DYNC1H1: variants seen among roughly 807,000 people sequenced by gnomAD.
The protein encoded by DYNC1H1 is cytoplasmic dynein 1 heavy chain 1.
Under a neutral mutation model 527.1 loss-of-function variants are expected in DYNC1H1, and 51 were observed. The observed-to-expected ratio is 0.10, with a 90% CI of 0.08 to 0.12. The LOEUF (loss-of-function observed/expected upper bound fraction) is 0.12. Ranked by LOEUF, DYNC1H1 falls within the 10% of genes least tolerant of loss-of-function variation. The pLI, the probability that DYNC1H1 is intolerant of heterozygous loss-of-function variation, is 1.00. For missense variants in DYNC1H1, 2,771 were observed against 5,971.8 expected (o/e 0.46, Z 17.66); for synonymous variants, 2,189 against 2,278.8 (o/e 0.96, Z 1.12).
chr14:102,047,637 GTGTGTATA>G (rs768653793), intron 72 of DYNC1H1, 172 bp from the exon 73 acceptor site: 15 of 394,202 alleles, frequency 3.8e-5, no homozygotes, highest in African/African-American at 2.7e-4. Context: ...GTGTGTGTGT[GTGTGTATA>G]TATATATATA....
rs754052535 is a variant in DYNC1H1, at chr14:101,979,496, A to C, written c.518+4A>C. 1 of 1,614,128 alleles carries C rather than the reference A, an allele frequency of 6.2e-7. No individual in the cohort carries two copies. Among genetic ancestry groups the C allele is most frequent in the Non-Finnish European group, 8.5e-7 (1 of 1,180,018 alleles). ...GAGAGTCTGGCAAGGCAGACAGGTAAAAACTGTGGTTTGAATGTTATATTT... is the reference window on the plus strand; with the variant it reads ...GAGAGTCTGGCAAGGCAGACAGGTACAAACTGTGGTTTGAATGTTATATTT... On this transcript the variant is annotated splice_donor_region_variant and intron_variant, in intron 3 of 77. Coordinates refer to ENST00000360184, the MANE Select transcript of DYNC1H1 (RefSeq NM_001376.5). This position sits in a 1 kb window ranked among gnomAD's most constrained non-coding sequence, Gnocchi z 4.6.
In DYNC1H1 at chr14:102,047,641, G is replaced by GTGTGTGTGTGTATATATATATATATA; in HGVS notation, c.13007-175_13007-174insGTGTGTGTGTATATATATATATATAT. The stretch of plus-strand genomic sequence containing the variant: ...TACACGTGTGTGTGTGTGTGTGTGT[G>GTGTGTGTGTGTATATATATATATATA]TATATATATATATATATATATATGT... On this transcript the variant is annotated intron_variant, in intron 72 of 77. Coordinates refer to ENST00000360184, the MANE Select transcript of DYNC1H1 (RefSeq NM_001376.5). 729 of 316,404 alleles carry GTGTGTGTGTGTATATATATATATATA rather than the reference G, an allele frequency of 2.3e-3. 5 individuals carry two copies. The highest frequency in any genetic ancestry group is 3.9e-3 in the Middle Eastern group (4 of 1,022). The allele number at this position is 316,404 out of a possible 1,614,324, so 19.6% of individuals were successfully genotyped here. A position where few individuals can be genotyped will look rare whatever the true frequency, so the allele number is the denominator to read the frequency against.
rs191911202 is a variant in DYNC1H1 at position 102,054,471 on chromosome 14, G to C, written c.*3908G>C. On this transcript the variant is annotated 3_prime_UTR_variant, in exon 78 of 78. Coordinates refer to ENST00000360184, the MANE Select transcript of DYNC1H1 (RefSeq NM_001376.5). ...TGCCTGTTCTCAAAGCAATGCACCT[G>C]AGAAGCAGTGGCAGGTGGCACAGCC... The C allele has an allele frequency of 1.7e-4, 26 of 152,198 alleles. No individual in the cohort carries two copies. The highest frequency in any genetic ancestry group is 1.4e-3 in the Admixed American group (22 of 15,270). The allele number at this position is 152,198 out of a possible 1,614,324, so 9.4% of individuals were successfully genotyped here. A position where few individuals can be genotyped will look rare whatever the true frequency, so the allele number is the denominator to read the frequency against.
intron 28 of DYNC1H1, among the ~76,000 whole-genome samples, chr14:102,007,746 G>A (rs984030187): frequency 6.6e-6 from 1 of 152,176 alleles, no homozygotes; most frequent in Admixed American, 6.5e-5. Flanking sequence ...GAGGCAGGTG[G>A]TATGGTAGTC....
chr14:102,032,222 C>A, intron 51 of DYNC1H1, 50 bp from the exon 52 acceptor site: 1 of 1,609,812 alleles, frequency 6.2e-7, no homozygotes, highest in Non-Finnish European at 8.5e-7. Context: ...CCATGCTTTG[C>A]TCTATCTTCT....
chr14:102,009,312 C>T (rs1294699841), intron 29 of DYNC1H1: 3 of 161,650 alleles, frequency 1.9e-5, no homozygotes, highest in African/African-American at 7.2e-5. Flanking sequence ...TTCCCCAGAC[C>T]TCCTAAATAA....
Position 101,985,236 on chromosome 14 carries a change from T to G in DYNC1H1, c.1462-451T>G, listed in dbSNP as rs915796707. On this transcript the variant is annotated intron_variant, in intron 7 of 77. Coordinates refer to ENST00000360184, the MANE Select transcript of DYNC1H1 (RefSeq NM_001376.5). This position sits in a 1 kb window ranked among gnomAD's most constrained non-coding sequence, Gnocchi z 5.9. ...AGAGTCCTTCTCTGTAAAACATGGA[T>G]AGTAATTACATATGCCTGAGATTTA... 3.9e-5 allele frequency among the ~76,000 whole-genome samples: 6 copies of G among 152,208 alleles called. No homozygotes were observed. The highest frequency in any genetic ancestry group is 1.4e-4 in the African/African-American group (6 of 41,456).
chr14:101,995,565 T>C (rs2048050589), intron 15 of DYNC1H1, among the ~76,000 whole-genome samples: 1 of 150,582 alleles, frequency 6.6e-6, no homozygotes, highest in Non-Finnish European at 1.5e-5. Context: ...GAGCCGAAAT[T>C]GTGCCACTGC....
At chr14:102,034,738 A>C (rs2048552040) in intron 56 of DYNC1H1, 1 of 509,514 alleles carries the variant, frequency 2.0e-6, no homozygotes, top group African/African-American at 1.9e-5. Flanking sequence ...AGCCTGGCCA[A>C]CATGGTGAAA....
intron 11 of DYNC1H1, 96 bp downstream of exon 11, chr14:101,991,769 T>C (rs1567001564): frequency 5.8e-6 from 9 of 1,546,434 alleles, no homozygotes; most frequent in Non-Finnish European, 6.2e-6. Flanking sequence ...GATAAGCTCT[T>C]GATGTTGTTT....
In DYNC1H1 at chr14:102,005,096, G is replaced by A. The variant is rs144147463; in HGVS notation, c.5293G>A (p.Ala1765Thr). 23 of 1,614,070 alleles carry A rather than the reference G, an allele frequency of 1.4e-5. No individual in the cohort carries two copies. The highest frequency in any genetic ancestry group is 1.9e-5 in the Non-Finnish European group (23 of 1,180,042). Residue 1765 changes from alanine (A) to threonine (T), a missense_variant, in exon 26 of 78, where the codon GCA (alanine) becomes ACA (threonine). Coordinates refer to ENST00000360184, the MANE Select transcript of DYNC1H1 (RefSeq NM_001376.5). This position sits in a 1 kb window ranked among gnomAD's most constrained non-coding sequence, Gnocchi z 4.0. ...QIAWSENVET[A>T]LSSMGGGGDA... ...AGCCTGGTCTGAGAACGTGGAGACC[G>A]CACTGAGCAGCATGGGCGGAGGTGG...
chr14:101,994,546 GAA>G, intron 12 of DYNC1H1, 125 bp from the exon 13 acceptor site: 1 of 1,389,290 alleles, frequency 7.2e-7, no homozygotes, highest in South Asian at 1.3e-5. Context: ...CTGAGAGTCT[GAA>G]GTGAGAATTT....
At position 101,986,136 on chromosome 14, in the gene DYNC1H1, C is replaced by T. The variant is rs376398498; in HGVS notation, c.1911C>T (p.His637=). ...AGAGTCAGGCTTGTAAGATGAGTCA[C>T]GTTCGTGACTTGCCCCCTGTGTCAG... is the stretch of plus-strand genomic sequence containing the variant. ...YPQSQACKMS[H]VRDLPPVSGS... The change falls in exon 8 of 78, where the codon CAC becomes CAT. Residue 637 remains histidine, a synonymous_variant. Coordinates refer to ENST00000360184, the MANE Select transcript of DYNC1H1 (RefSeq NM_001376.5). The surrounding 1 kb of genome is among the most constrained non-coding windows in gnomAD (Gnocchi z 8.7). 5.1e-5 allele frequency: 83 copies of T among 1,614,094 alleles called. No individual in the cohort carries two copies. Among genetic ancestry groups the T allele is most frequent in the Non-Finnish European group, 6.6e-5 (78 of 1,180,050 alleles).
chr14:101,975,568 T>G, intron 1 of DYNC1H1, 144 bp from the exon 2 acceptor site: 1 of 737,848 alleles, frequency 1.4e-6, no homozygotes, highest in Non-Finnish European at 2.3e-6. Context: ...AAAAAACGGA[T>G]AGGAAGGGAA....
intron 43 of DYNC1H1, chr14:102,023,665 A>G (rs1473518767): frequency 6.5e-6 from 1 of 153,726 alleles, no homozygotes; most frequent in Non-Finnish European, 1.4e-5. Context: ...CCTGGACAAC[A>G]TGCTGAAACT....
chr14:101,980,633 T>C (rs2047852759), intron 5 of DYNC1H1, 83 bp downstream of exon 5: 1 of 1,499,634 alleles, frequency 6.7e-7, no homozygotes, highest in South Asian at 1.2e-5. Context: ...AAATGAAAAC[T>C]ATAGTTTTCA....
intron 23 of DYNC1H1, among the ~76,000 whole-genome samples, chr14:102,003,424 G>C (rs1416006354): frequency 1.3e-5 from 2 of 151,850 alleles, no homozygotes; most frequent in African/African-American, 4.8e-5. Flanking sequence ...ACCACACCCG[G>C]CTAATTTTTA....
rs2048696750 is a variant in DYNC1H1 at position 102,044,828 on chromosome 14, G to A, written c.13006+130G>A. On this transcript the variant is annotated intron_variant, in intron 72 of 77. Coordinates refer to ENST00000360184, the MANE Select transcript of DYNC1H1 (RefSeq NM_001376.5). This position sits in a 1 kb window ranked among gnomAD's most constrained non-coding sequence, Gnocchi z 7.1. ...TCCCAGGGCCCTCCCTGGTTATGCT[G>A]GGTGTGGCTCTGTCAGCCTCGGCCT... The A allele has an allele frequency of 1.8e-6, 2 of 1,098,604 alleles. No individual in the cohort carries two copies. Among genetic ancestry groups the A allele is most frequent in the African/African-American group, 1.5e-5 (1 of 64,702 alleles). 68.1% of individuals were successfully genotyped at this position (1,098,604 alleles called of 1,614,324 possible).
In DYNC1H1 at chr14:102,042,808, C is replaced by T. The variant is rs2048668032; in HGVS notation, c.12513+60C>T. ...TAGAAGCTAAAGCCCAGTCCCATCACCAAATGCAGAAGTGGGTCCCTGGGC... is the reference window on the plus strand; with the variant it reads ...TAGAAGCTAAAGCCCAGTCCCATCATCAAATGCAGAAGTGGGTCCCTGGGC... On this transcript the variant is annotated intron_variant, in intron 69 of 77. Coordinates refer to ENST00000360184, the MANE Select transcript of DYNC1H1 (RefSeq NM_001376.5). This position sits in a 1 kb window ranked among gnomAD's most constrained non-coding sequence, Gnocchi z 5.7. 1 of 1,587,538 alleles carries T rather than the reference C, an allele frequency of 6.3e-7. No homozygotes were observed. The highest frequency in any genetic ancestry group is 8.6e-7 in the Non-Finnish European group (1 of 1,162,826).
Sources: allele counts gnomAD v4.1 joint callset (sites outside exome capture counted in the v4.1 genomes callset), GRCh38; gene constraint gnomAD v4.1.1; non-coding constraint Gnocchi (gnomAD v3.1); transcripts MANE v1.5; gene names NCBI Gene and HGNC (gene_info 2026-07-23, HGNC 2026-07-21).